Variants in EBF2 observed in about 807,000 individuals in gnomAD.
The protein encoded by EBF2 is EBF transcription factor 2, also known as transcription factor COE2.
EBF2 carries 21 observed loss-of-function variants against 72.8 expected under a neutral mutation model. The ratio of observed to expected loss-of-function variants is 0.29; its 90% CI spans 0.20 to 0.42. The LOEUF is 0.42. Among genes scored for constraint, EBF2 ranks in the 10% least tolerant of loss-of-function variants. The probability of loss-of-function intolerance (pLI) is 1.00; values close to 1 mark genes in which losing one functional copy is unlikely to be tolerated. For missense variants in EBF2, 637 were observed against 731.2 expected (o/e 0.87, Z 1.49); for synonymous variants, 299 against 274.2 (o/e 1.09, Z -0.89).
At position 25,986,744 on chromosome 8, in the gene EBF2, T is replaced by C. The variant is rs1283082684; in HGVS notation, c.551+46341A>G. On this transcript the variant is annotated intron_variant, in intron 6 of 15. Coordinates refer to ENST00000520164, the MANE Select transcript of EBF2 (RefSeq NM_022659.4). ...GATTCATCAATGTCACTAACAATAC[T>C]CTGTCAGTTGTAACAGACATAGGTG... Among the ~76,000 whole-genome samples, 9 of 152,232 alleles carry C rather than the reference T, an allele frequency of 5.9e-5. No homozygotes were observed. The South Asian group carries it at 6.2e-4, about 10-fold the overall frequency.
intron 10 of EBF2, among the ~76,000 whole-genome samples, chr8:25,877,125 T>A (rs1267277951): frequency 6.6e-6 from 1 of 152,170 alleles, no homozygotes; most frequent in Non-Finnish European, 1.5e-5. Flanking sequence ...ATTTTACAAT[T>A]AGAGACAATG....
intron 6 of EBF2, among the ~76,000 whole-genome samples, chr8:25,929,554 CT>C (rs910494438): frequency 2.6e-5 from 4 of 151,614 alleles, no homozygotes; most frequent in Admixed American, 6.6e-5. Flanking sequence ...CTATCGGGTA[CT>C]TTTTTTTTCC....
intron 6 of EBF2, among the ~76,000 whole-genome samples, chr8:26,005,642 C>T (rs1300573527): frequency 8.0e-5 from 10 of 125,358 alleles, no homozygotes; most frequent in Non-Finnish European, 1.6e-4. Context: ...CCAGCCTGGG[C>T]AACATAGTGA....
intron 10 of EBF2, among the ~76,000 whole-genome samples, chr8:25,873,292 G>A (rs951920640): frequency 1.3e-5 from 2 of 152,136 alleles, no homozygotes; most frequent in Non-Finnish European, 2.9e-5. Context: ...ACAAAGGATT[G>A]GGGTAAATGG....
chr8:25,912,494 ACAC>A (rs1253043181), intron 6 of EBF2, among the ~76,000 whole-genome samples: 1 of 139,034 alleles, frequency 7.2e-6, no homozygotes, highest in African/African-American at 2.7e-5. Context: ...ACACACACAC[ACAC>A]AACAGGAAGA....
chr8:26,037,182 G>A (rs1384425345), intron 5 of EBF2, among the ~76,000 whole-genome samples: 1 of 152,166 alleles, frequency 6.6e-6, no homozygotes, highest in Non-Finnish European at 1.5e-5. Flanking sequence ...GTTGGAAGTG[G>A]GAGGTGGGGA....
chr8:25,904,319 G>A (rs2117308964), intron 7 of EBF2, among the ~76,000 whole-genome samples: 1 of 151,226 alleles, frequency 6.6e-6, no homozygotes, highest in East Asian at 2.0e-4. Flanking sequence ...ATAATACTTA[G>A]GACTTGAATG....
intron 10 of EBF2, among the ~76,000 whole-genome samples, chr8:25,866,056 G>T (rs1027012832): frequency 2.0e-5 from 3 of 151,316 alleles, no homozygotes; most frequent in Non-Finnish European, 4.4e-5. Context: ...GAAAGTAACT[G>T]TTATTTTGTA....
chr8:25,885,385 A>G (rs935202790), intron 10 of EBF2, among the ~76,000 whole-genome samples: 2 of 152,202 alleles, frequency 1.3e-5, no homozygotes, highest in Admixed American at 6.5e-5. Flanking sequence ...CTCTGGACCC[A>G]TTAAATGAAT....
At chr8:25,936,906 C>A (rs900521146) in intron 6 of EBF2, among the ~76,000 whole-genome samples, 1 of 152,122 alleles carries the variant, frequency 6.6e-6, no homozygotes, top group African/African-American at 2.4e-5. Context: ...CCTTAAAAAG[C>A]AACAGATACC....
chr8:25,935,515 G>T (rs1803563891), intron 6 of EBF2, among the ~76,000 whole-genome samples: 1 of 152,164 alleles, frequency 6.6e-6, no homozygotes. Context: ...GCTACACAAA[G>T]CCCTTGCGCG....
intron 9 of EBF2, 79 bp from the exon 10 acceptor site, chr8:25,886,960 CA>C: frequency 6.7e-7 from 1 of 1,487,814 alleles, no homozygotes; most frequent in Non-Finnish European, 9.0e-7. Context: ...CAACATCTCC[CA>C]CTATTGCTCC....
chr8:25,983,399 TTTC>T (rs1325094237), intron 6 of EBF2, among the ~76,000 whole-genome samples: 4 of 152,234 alleles, frequency 2.6e-5, no homozygotes, highest in East Asian at 1.9e-4. Context: ...CAGCGACTTT[TTTC>T]TTCTTCTATG....
intron 15 of EBF2, 59 bp from the exon 16 acceptor site, chr8:25,844,699 GAC>G: frequency 3.1e-6 from 5 of 1,597,276 alleles, no homozygotes; most frequent in Non-Finnish European, 4.3e-6. Flanking sequence ...TCAAGGCTAT[GAC>G]ACAGAATGAG....
intron 6 of EBF2, among the ~76,000 whole-genome samples, chr8:25,986,635 T>C (rs781684955): frequency 2.0e-5 from 3 of 151,992 alleles, no homozygotes; most frequent in Non-Finnish European, 4.4e-5. Context: ...TCAATTGGAT[T>C]ATTCTACTTT....
At chr8:25,914,422 A>T (rs1377664006) in intron 6 of EBF2, among the ~76,000 whole-genome samples, 1 of 152,178 alleles carries the variant, frequency 6.6e-6, no homozygotes, top group Non-Finnish European at 1.5e-5. Flanking sequence ...CTGGAGATGA[A>T]GTGCCCTGGA....
intron 5 of EBF2, among the ~76,000 whole-genome samples, chr8:26,037,815 A>AG (rs1457494607): frequency 1.3e-5 from 2 of 152,180 alleles, no homozygotes; most frequent in East Asian, 1.9e-4. Context: ...TGGGGAAGGG[A>AG]GAAAAAAAAA....
intron 10 of EBF2, among the ~76,000 whole-genome samples, chr8:25,878,272 GGCCTATAGCA>G (rs1418241274): frequency 3.3e-5 from 5 of 152,192 alleles, no homozygotes; most frequent in Non-Finnish European, 2.9e-5. Context: ...GGTTTGTCTA[GGCCTATAGCA>G]GCCTAGGAGC....
intron 6 of EBF2, among the ~76,000 whole-genome samples, chr8:25,914,475 G>C (rs1350110085): frequency 6.6e-6 from 1 of 152,152 alleles, no homozygotes; most frequent in African/African-American, 2.4e-5. Flanking sequence ...GCTACAAAGG[G>C]CCCTGAAGCT....
Sources: allele counts gnomAD v4.1 joint callset (sites outside exome capture counted in the v4.1 genomes callset), GRCh38; gene constraint gnomAD v4.1.1; transcripts MANE v1.5; gene names NCBI Gene and HGNC (gene_info 2026-07-23, HGNC 2026-07-21).